ARB2A: variants seen among roughly 807,000 people sequenced by gnomAD.
ARB2A encodes ARB2 cotranscriptional regulator A.
At chr5:93,712,962 A>G in the ARB2A span, among the ~76,000 whole-genome samples, 6 of 152,300 alleles carry the variant, frequency 3.9e-5, no homozygotes, top group Admixed American at 3.3e-4. Context: ...GGGAAAGGAC[A>G]GTCTCCTCAA....
chr5:93,987,596 G>C, the ARB2A span, among the ~76,000 whole-genome samples: 1 of 152,030 alleles, frequency 6.6e-6, no homozygotes, highest in Non-Finnish European at 1.5e-5. Context: ...AAAATCTTTT[G>C]AAGTGACTAC....
chr5:94,080,845 T>C, the ARB2A span, among the ~76,000 whole-genome samples: 1 of 152,180 alleles, frequency 6.6e-6, no homozygotes, highest in Admixed American at 6.6e-5. Flanking sequence ...TCTCTAAAAA[T>C]ATTTTATACC....
chr5:93,830,433 C>A, the ARB2A span, among the ~76,000 whole-genome samples: 1 of 148,382 alleles, frequency 6.7e-6, no homozygotes, highest in Admixed American at 6.7e-5. Context: ...ATGCCATGAT[C>A]CTGGCCTTTA....
chr5:93,741,573 GGCACCC>G, the ARB2A span: 2 of 1,519,720 alleles, frequency 1.3e-6, no homozygotes, highest in South Asian at 2.6e-5. Flanking sequence ...TGGGTGGAAT[GGCACCC>G]GCAGCGGCTC....
the ARB2A span, among the ~76,000 whole-genome samples, chr5:93,795,611 T>C: frequency 2.8e-4 from 42 of 152,268 alleles, 1 homozygote; most frequent in Admixed American, 2.7e-3. Flanking sequence ...ATCCTCTACA[T>C]TCAAATCTAA....
the ARB2A span, among the ~76,000 whole-genome samples, chr5:93,632,995 C>T: frequency 3.3e-5 from 5 of 152,126 alleles, no homozygotes; most frequent in African/African-American, 1.2e-4. Context: ...TCATAATATT[C>T]CATTTCTGCA....
At chr5:94,082,844 A>G in the ARB2A span, among the ~76,000 whole-genome samples, 1 of 152,210 alleles carries the variant, frequency 6.6e-6, no homozygotes, top group East Asian at 1.9e-4. Flanking sequence ...TTGCTGTGAT[A>G]CTACAAATAT....
chr5:93,814,533 T>C, the ARB2A span, among the ~76,000 whole-genome samples: 1 of 152,220 alleles, frequency 6.6e-6, no homozygotes, highest in Non-Finnish European at 1.5e-5. Context: ...AAATGGTTTT[T>C]CCTAGTACTT....
chr5:93,928,240 A>G, the ARB2A span, among the ~76,000 whole-genome samples: 2 of 152,146 alleles, frequency 1.3e-5, no homozygotes, highest in Admixed American at 1.3e-4. Context: ...GAAAGAACCG[A>G]GGCAGTTTTA....
the ARB2A span, among the ~76,000 whole-genome samples, chr5:93,675,778 C>A: frequency 6.6e-6 from 1 of 152,170 alleles, no homozygotes; most frequent in Admixed American, 6.5e-5. Context: ...AGATGAGTGG[C>A]CTGGCACCTG....
the ARB2A span, among the ~76,000 whole-genome samples, chr5:93,815,379 T>C: frequency 2.6e-5 from 4 of 152,180 alleles, no homozygotes; most frequent in Non-Finnish European, 2.9e-5. Context: ...TAGTGAACAT[T>C]TGGCCATAAG....
chr5:93,741,367 C>G, the ARB2A span: 17 of 1,611,536 alleles, frequency 1.1e-5, no homozygotes, highest in Admixed American at 1.3e-4. Flanking sequence ...TGGCAGGGGA[C>G]CCAGGGGAAT....
At chr5:93,832,170 C>T in the ARB2A span, among the ~76,000 whole-genome samples, 5 of 152,246 alleles carry the variant, frequency 3.3e-5, no homozygotes, top group South Asian at 1.0e-3. Context: ...ACCCCCAGAA[C>T]CTCCGAGGAT....
chr5:93,879,573 A>C, the ARB2A span, among the ~76,000 whole-genome samples: 1 of 151,932 alleles, frequency 6.6e-6, no homozygotes, highest in Non-Finnish European at 1.5e-5. Flanking sequence ...GCAACATAAA[A>C]AGAATGTTGT....
the ARB2A span, among the ~76,000 whole-genome samples, chr5:94,104,343 TA>T: frequency 7.7e-4 from 103 of 134,634 alleles, no homozygotes; most frequent in East Asian, 8.0e-3. Flanking sequence ...CCCACAGAAA[TA>T]AAAAAAAAAA....
At chr5:93,865,794 A>C in the ARB2A span, 1 of 985,368 alleles carries the variant, frequency 1.0e-6, no homozygotes, top group Non-Finnish European at 1.2e-6. Context: ...AAGTAAATCA[A>C]CATTTATGGA....
chr5:93,793,489 G>A, the ARB2A span, among the ~76,000 whole-genome samples: 1 of 151,704 alleles, frequency 6.6e-6, no homozygotes, highest in Admixed American at 6.6e-5. Context: ...GGATTTGTTT[G>A]CCCTCATGTA....
At chr5:93,992,438 A>G in the ARB2A span, among the ~76,000 whole-genome samples, 1 of 152,044 alleles carries the variant, frequency 6.6e-6, no homozygotes, top group East Asian at 1.9e-4. Context: ...AACCATCAGT[A>G]AAATAAAACA....
chr5:93,879,614 G>A, the ARB2A span, among the ~76,000 whole-genome samples: 1 of 151,002 alleles, frequency 6.6e-6, no homozygotes, highest in Non-Finnish European at 1.5e-5. Flanking sequence ...TAGATGAGAG[G>A]AAAAACAAAG....
Sources: gnomAD v4.1 joint callset for allele counts (sites outside exome capture counted in the v4.1 genomes callset) on GRCh38, gnomAD v4.1.1 for gene constraint, MANE v1.5 for transcripts, NCBI Gene and HGNC (gene_info 2026-07-23, HGNC 2026-07-21) for gene names.